The following NUDT4 variants were observed in gnomAD, a reference collection of about 807,000 sequenced individuals.
NUDT4 encodes nudix hydrolase 4.
Under a neutral mutation model 23.1 loss-of-function variants are expected in NUDT4, and 5 were observed. The observed-to-expected ratio is 0.22, with a 90% CI of 0.11 to 0.46. The LOEUF is 0.46. NUDT4 is among the 20% of genes least tolerant of loss of function. The pLI is 0.99. For missense variants in NUDT4, 96 were observed against 211.6 expected (o/e 0.45, Z 3.39); for synonymous variants, 50 against 79.0 (o/e 0.63, Z 1.95).
rs1362834375 is a variant in NUDT4 at position 93,406,703 on chromosome 12, GTAT to G, written c.*7328_*7330del. On this transcript the variant is annotated 3_prime_UTR_variant, in exon 5 of 5. Coordinates refer to ENST00000415493, the MANE Select transcript of NUDT4 (RefSeq NM_019094.6). ...TTACATAGCACTTACATTATAATAGGTATTATAAGTAATCTAAATATTAACATA... is the reference window on the plus strand; with the variant it reads ...TTACATAGCACTTACATTATAATAGGTATAAGTAATCTAAATATTAACATA... 16 of 152,100 alleles carry G rather than the reference GTAT, an allele frequency of 1.1e-4. No homozygotes were observed. The highest frequency in any genetic ancestry group is 3.9e-4 in the African/African-American group (16 of 41,402). The allele number at this position is 152,100 out of a possible 1,614,324, so 9.4% of individuals were successfully genotyped here. A position where few individuals can be genotyped will look rare whatever the true frequency, so the allele number is the denominator to read the frequency against.
Position 93,403,451 on chromosome 12 carries a change from T to G in NUDT4, c.*4072T>G, listed in dbSNP as rs1877615370. On this transcript the variant is annotated 3_prime_UTR_variant, in exon 5 of 5. Transcript: ENST00000415493. ...CTCCTGCCTCATCCTCCCGAGGAGC[T>G]GGGATCACAGGCGCCTGCCACCACG... The G allele has an allele frequency of 6.6e-6, 1 of 152,320 alleles. No individual in the cohort carries two copies. Among genetic ancestry groups the G allele is most frequent in the Non-Finnish European group, 1.5e-5 (1 of 68,158 alleles). The allele number at this position is 152,320 out of a possible 1,614,324, so 9.4% of individuals were successfully genotyped here.
intron 1 of NUDT4, among the ~76,000 whole-genome samples, chr12:93,386,484 G>A (rs1876107054): frequency 6.6e-6 from 1 of 151,866 alleles, no homozygotes; most frequent in South Asian, 2.1e-4. Flanking sequence ...GGAGGCTTAC[G>A]CACGAGAATT....
chr12:93,389,121 G>A (rs1876306021), intron 1 of NUDT4, among the ~76,000 whole-genome samples: 1 of 152,190 alleles, frequency 6.6e-6, no homozygotes, highest in Non-Finnish European at 1.5e-5. Context: ...TAGTTTAGAT[G>A]TGAATCATTT....
At position 93,392,373 on chromosome 12, in the gene NUDT4, AGCC is replaced by A. The variant is rs574201867; in HGVS notation, c.100-2235_100-2233del. ...CAGGTTCAAGTGATTCTCCTGCCAC[AGCC>A]TCCTAAGTAGCTGGGATTACAGGTG... is the stretch of plus-strand genomic sequence containing the variant. On this transcript the variant is annotated intron_variant, in intron 1 of 4. Transcript: ENST00000415493. Among the ~76,000 whole-genome samples, 185 of 149,192 alleles carry A rather than the reference AGCC, an allele frequency of 1.2e-3. 1 individual carries two copies. The highest frequency in any genetic ancestry group is 3.6e-3 in the African/African-American group (144 of 40,338).
intron 1 of NUDT4, among the ~76,000 whole-genome samples, chr12:93,382,674 CTT>C (rs11315217): frequency 8.7e-4 from 97 of 111,616 alleles, no homozygotes; most frequent in South Asian, 1.5e-3. Context: ...CAAAGGTAGC[CTT>C]TTTTTTTTTT....
chr12:93,391,441 T>C (rs972472290), intron 1 of NUDT4, among the ~76,000 whole-genome samples: 1 of 151,896 alleles, frequency 6.6e-6, no homozygotes, highest in African/African-American at 2.4e-5. Context: ...GGGAGGTGCC[T>C]GTAATCCCAG....
chr12:93,378,446 G>A, intron 1 of NUDT4, 25 bp downstream of exon 1: 1 of 1,528,410 alleles, frequency 6.5e-7, no homozygotes, highest in South Asian at 1.2e-5. Context: ...GCCGCACGCT[G>A]CCCTCCGGGG....
At chr12:93,384,094 G>A (rs1235128647) in intron 1 of NUDT4, among the ~76,000 whole-genome samples, 1 of 152,086 alleles carries the variant, frequency 6.6e-6, no homozygotes. Flanking sequence ...CATAGCCCTT[G>A]AACAGCACCC....
chr12:93,395,135 C>A (rs1303737072), intron 2 of NUDT4, among the ~76,000 whole-genome samples: 1 of 152,026 alleles, frequency 6.6e-6, no homozygotes, highest in Non-Finnish European at 1.5e-5. Flanking sequence ...AGGCGTGAGC[C>A]ACTACACCTG....
At chr12:93,392,114 C>T (rs113181640) in intron 1 of NUDT4, among the ~76,000 whole-genome samples, 1,837 of 151,840 alleles carry the variant, frequency 0.012, 34 homozygotes, top group African/African-American at 0.041. Flanking sequence ...GAACCCCTGA[C>T]CTCAGATGTC....
Position 93,403,081 on chromosome 12 carries a change from T to C in NUDT4, c.*3702T>C, listed in dbSNP as rs1877589132. The stretch of plus-strand genomic sequence containing the variant: ...TGGGGTCTTGCTGTGTTGCCCAGGC[T>C]GGTCTCAAACTCCTAGGCTTAAGCA... On this transcript the variant is annotated 3_prime_UTR_variant, in exon 5 of 5. Transcript: ENST00000415493. 1 of 152,410 alleles carries C rather than the reference T, an allele frequency of 6.6e-6. No homozygotes were observed. Among genetic ancestry groups the C allele is most frequent in the African/African-American group, 2.4e-5 (1 of 41,308 alleles). 9.4% of individuals were successfully genotyped at this position (152,410 alleles called of 1,614,324 possible).
intron 1 of NUDT4, among the ~76,000 whole-genome samples, chr12:93,391,875 T>C (rs576202648): frequency 6.6e-6 from 1 of 152,226 alleles, no homozygotes; most frequent in African/African-American, 2.4e-5. Flanking sequence ...TCAAATTGAC[T>C]TATTTATTTT....
intron 1 of NUDT4, among the ~76,000 whole-genome samples, chr12:93,379,822 G>A (rs945687356): frequency 5.3e-5 from 8 of 152,070 alleles, no homozygotes; most frequent in Admixed American, 3.9e-4. Context: ...AGCGGAAAGG[G>A]GCCATGTTGA....
chr12:93,389,825 A>G (rs1451457500), intron 1 of NUDT4, among the ~76,000 whole-genome samples: 1 of 149,926 alleles, frequency 6.7e-6, no homozygotes, highest in East Asian at 2.0e-4. Flanking sequence ...GCTTGAACCA[A>G]GGAGGCGGAG....
chr12:93,385,478 G>T (rs535539940), intron 1 of NUDT4, among the ~76,000 whole-genome samples: 18 of 152,134 alleles, frequency 1.2e-4, no homozygotes, highest in Non-Finnish European at 2.5e-4. Context: ...GTATCTTGAT[G>T]GATACAGAAA....
rs1033402564 is a variant in NUDT4 at position 93,405,305 on chromosome 12, T to C, written c.*5926T>C. On this transcript the variant is annotated 3_prime_UTR_variant, in exon 5 of 5. Coordinates refer to ENST00000415493, the MANE Select transcript of NUDT4 (RefSeq NM_019094.6). ...TGGAACTATTTCAAAAGCAGTCATA[T>C]GGTAAGATGGATCAGGAGTCTTTAA... The C allele has an allele frequency of 1.3e-5, 2 of 151,856 alleles. No homozygotes were observed. The highest frequency in any genetic ancestry group is 4.8e-5 in the African/African-American group (2 of 41,410). 9.4% of individuals were successfully genotyped at this position (151,856 alleles called of 1,614,324 possible).
At chr12:93,389,684 C>T (rs1049824518) in intron 1 of NUDT4, among the ~76,000 whole-genome samples, 4 of 151,594 alleles carry the variant, frequency 2.6e-5, no homozygotes, top group Admixed American at 6.6e-5. Flanking sequence ...AGGTGGATCA[C>T]GAGGTCAGGA....
chr12:93,393,112 C>T (rs1437912533), intron 1 of NUDT4, among the ~76,000 whole-genome samples: 28 of 135,232 alleles, frequency 2.1e-4, no homozygotes, highest in Admixed American at 8.9e-4. Flanking sequence ...TTTTTTTCCC[C>T]GAGATGGAGT....
rs1877549296 is a variant in NUDT4 at position 93,402,707 on chromosome 12, AC to A, written c.*3333del. ...TGGTTGCTTTACTGCTGTTCTCCCC[AC>A]CCCCGTGGAGTTGTGTCATTATTTT... is the stretch of plus-strand genomic sequence containing the variant. On this transcript the variant is annotated 3_prime_UTR_variant, in exon 5 of 5. Coordinates refer to ENST00000415493, the MANE Select transcript of NUDT4 (RefSeq NM_019094.6). 1.3e-5 allele frequency: 2 copies of A among 151,032 alleles called. No individual in the cohort carries two copies. The allele number at this position is 151,032 out of a possible 1,614,324, so 9.4% of individuals were successfully genotyped here. A position where few individuals can be genotyped will look rare whatever the true frequency, so the allele number is the denominator to read the frequency against.
Sources: gnomAD v4.1 joint callset for allele counts (sites outside exome capture counted in the v4.1 genomes callset) on GRCh38, gnomAD v4.1.1 for gene constraint, MANE v1.5 for transcripts, NCBI Gene and HGNC (gene_info 2026-07-23, HGNC 2026-07-21) for gene names.